Variants in IQSEC1 observed in about 807,000 individuals in gnomAD.
The protein encoded by IQSEC1 is IQ motif and Sec7 domain ArfGEF 1, also known as IQ motif and SEC7 domain-containing protein 1.
Under a neutral mutation model 91.0 loss-of-function variants are expected in IQSEC1, and 31 were observed. The ratio of observed to expected loss-of-function variants is 0.34; its 90% CI spans 0.26 to 0.46. The LOEUF is 0.46. Among genes scored for constraint, IQSEC1 ranks in the 20% least tolerant of loss-of-function variants. The probability of loss-of-function intolerance (pLI) is 1.00; values close to 1 mark genes in which losing one functional copy is unlikely to be tolerated. For missense variants in IQSEC1, 1,388 were observed against 1,575.6 expected (o/e 0.88, Z 2.02); for synonymous variants, 699 against 662.6 (o/e 1.05, Z -0.84).
chr3:13,066,611 C>T (rs146271479), intron 1 of IQSEC1, among the ~76,000 whole-genome samples: 126 of 152,322 alleles, frequency 8.3e-4, no homozygotes, highest in African/African-American at 2.9e-3. Flanking sequence ...GTTGTGGGAT[C>T]GTGGGAGGCC....
At chr3:12,952,263 T>A (rs1240316437) in intron 1 of IQSEC1, among the ~76,000 whole-genome samples, 1 of 152,030 alleles carries the variant, frequency 6.6e-6, no homozygotes, top group Admixed American at 6.5e-5. Flanking sequence ...AACCTCAGGC[T>A]CCAAACTGAG....
At chr3:12,936,782 C>T (rs1426289905) in intron 2 of IQSEC1, 85 bp from the exon 3 acceptor site, 31 of 1,327,940 alleles carry the variant, frequency 2.3e-5, no homozygotes, top group Admixed American at 7.5e-5. Context: ...TTCCTAGCCA[C>T]GTGGCTGTGC....
At chr3:13,151,509 G>T (rs921075280) in intron 2 of IQSEC1, among the ~76,000 whole-genome samples, 1 of 152,234 alleles carries the variant, frequency 6.6e-6, no homozygotes, top group Admixed American at 6.5e-5. Context: ...GGAAGTAGGG[G>T]AACAGTAGCA....
At chr3:13,080,017 G>A (rs1375542854) in intron 2 of IQSEC1, among the ~76,000 whole-genome samples, 2 of 152,230 alleles carry the variant, frequency 1.3e-5, no homozygotes, top group African/African-American at 4.8e-5. Context: ...GACAGTGCAT[G>A]GAAAGGTATT....
chr3:13,244,585 C>CA (rs1368897675), intron 1 of IQSEC1, among the ~76,000 whole-genome samples: 1 of 152,140 alleles, frequency 6.6e-6, no homozygotes, highest in Non-Finnish European at 1.5e-5. Flanking sequence ...CTATTGATTT[C>CA]AAAAAATGTC....
chr3:12,933,060 C>T (rs958381972), intron 3 of IQSEC1, among the ~76,000 whole-genome samples: 1 of 152,262 alleles, frequency 6.6e-6, no homozygotes, highest in African/African-American at 2.4e-5. Context: ...ACGCTCACTG[C>T]TTCGTTGCTA....
intron 1 of IQSEC1, among the ~76,000 whole-genome samples, chr3:13,035,169 T>C (rs147964785): frequency 1.3e-5 from 2 of 152,318 alleles, no homozygotes; most frequent in African/African-American, 4.8e-5. Context: ...AGCCTGCCCT[T>C]GGGGGTACAG....
intron 1 of IQSEC1, among the ~76,000 whole-genome samples, chr3:12,944,549 C>G (rs769407584): frequency 1.3e-5 from 2 of 152,208 alleles, no homozygotes; most frequent in Non-Finnish European, 2.9e-5. Context: ...GGCCTGTGCA[C>G]CTCCCTCCGG....
At chr3:13,255,584 T>G (rs1695271246) in intron 1 of IQSEC1, among the ~76,000 whole-genome samples, 1 of 151,590 alleles carries the variant, frequency 6.6e-6, no homozygotes, top group Non-Finnish European at 1.5e-5. Context: ...GGGACCCTTC[T>G]TGGTGATGGA....
chr3:13,173,984 G>A (rs1050675344), intron 1 of IQSEC1, among the ~76,000 whole-genome samples: 1 of 152,144 alleles, frequency 6.6e-6, no homozygotes, highest in East Asian at 1.9e-4. Flanking sequence ...AGGATTCCTC[G>A]CTATGGAGTC....
chr3:12,965,442 T>C (rs958590141), intron 1 of IQSEC1, among the ~76,000 whole-genome samples: 1 of 152,154 alleles, frequency 6.6e-6, no homozygotes, highest in South Asian at 2.1e-4. Flanking sequence ...AAGGACTGGG[T>C]TGATTTCCTC....
intron 1 of IQSEC1, among the ~76,000 whole-genome samples, chr3:13,233,730 G>A (rs1342174781): frequency 6.6e-6 from 1 of 152,152 alleles, no homozygotes; most frequent in Non-Finnish European, 1.5e-5. Flanking sequence ...TTCCTGGTTG[G>A]CTCCTTGAGA....
At chr3:12,953,186 G>A (rs2125431628) in intron 1 of IQSEC1, among the ~76,000 whole-genome samples, 1 of 152,342 alleles carries the variant, frequency 6.6e-6, no homozygotes, top group Middle Eastern at 3.4e-3. Context: ...TGGCTGCAGG[G>A]AGCACACCCA....
intron 1 of IQSEC1, among the ~76,000 whole-genome samples, chr3:13,185,545 G>T (rs1410174779): frequency 6.6e-6 from 1 of 152,180 alleles, no homozygotes; most frequent in Non-Finnish European, 1.5e-5. Flanking sequence ...GCGTGACAAT[G>T]GCCAAAACAG....
chr3:13,054,105 G>A (rs560270591), intron 1 of IQSEC1, among the ~76,000 whole-genome samples: 232 of 152,336 alleles, frequency 1.5e-3, no homozygotes, highest in African/African-American at 5.5e-3. Flanking sequence ...AGCCTGGCAG[G>A]CGTTCCCCTG....
At position 13,140,903 on chromosome 3, in the gene IQSEC1, C is replaced by T. The variant is rs114819991; in HGVS notation, c.302+23201G>A. Among the ~76,000 whole-genome samples, 471 of 152,278 alleles carry T rather than the reference C, an allele frequency of 3.1e-3. 3 individuals are homozygous for T. The highest frequency in any genetic ancestry group is 0.016 in the South Asian group (79 of 4,822). On this transcript the variant is annotated intron_variant, in intron 2 of 15. Coordinates refer to the IQSEC1 transcript ENST00000648114. ...TAGGAAAGGAAGAGTGTCCTGCCAG[C>T]GCTGGTGTCATAGTGTGCGCCTGTG... is the stretch of plus-strand genomic sequence containing the variant.
At chr3:12,916,325 C>T (rs778278432) in intron 6 of IQSEC1, among the ~76,000 whole-genome samples, 1 of 152,200 alleles carries the variant, frequency 6.6e-6, no homozygotes, top group Non-Finnish European at 1.5e-5. Context: ...GCAGTGGTTG[C>T]TGTTGCTGGC....
At chr3:12,991,142 C>G (rs186439471) in intron 1 of IQSEC1, among the ~76,000 whole-genome samples, 1 of 152,280 alleles carries the variant, frequency 6.6e-6, no homozygotes, top group Non-Finnish European at 1.5e-5. Flanking sequence ...TCCCTACCTG[C>G]GCCCTGCTTT....
At chr3:12,948,398 G>A (rs890293951) in intron 1 of IQSEC1, among the ~76,000 whole-genome samples, 1 of 152,200 alleles carries the variant, frequency 6.6e-6, no homozygotes, top group African/African-American at 2.4e-5. Flanking sequence ...TGACCCCAGG[G>A]TGGAGGGAGA....
Sources: gnomAD v4.1 joint callset for allele counts (sites outside exome capture counted in the v4.1 genomes callset) on GRCh38, gnomAD v4.1.1 for gene constraint, MANE v1.5 for transcripts, NCBI Gene and HGNC (gene_info 2026-07-23, HGNC 2026-07-21) for gene names.